The following XPNPEP3 variants were observed in gnomAD, a reference collection of about 807,000 sequenced individuals.
The protein encoded by XPNPEP3 is xaa-Pro aminopeptidase 3.
Under a neutral mutation model 60.0 loss-of-function variants are expected in XPNPEP3, and 41 were observed. The ratio of observed to expected loss-of-function variants is 0.68; its 90% confidence interval spans 0.53 to 0.89. XPNPEP3 has a LOEUF of 0.89. Ranked by LOEUF, XPNPEP3 falls within the 40% of genes least tolerant of loss-of-function variation. The pLI is 0.00. For synonymous variants in XPNPEP3, 212 were observed against 223.2 expected (o/e 0.95, Z 0.45); for missense variants, 598 against 638.9 (o/e 0.94, Z 0.69).
chr22:40,897,361 G>A lies in XPNPEP3; in HGVS notation c.793-10226G>A, dbSNP rs1040543498. ...CTTTTCATCTGTCATTGGACACTTG[G>A]GTTGTTTCCATCTTTTGGGCTATGG... On this transcript the variant is annotated intron_variant, in intron 4 of 9. Transcript: ENST00000357137. 3.3e-5 allele frequency among the ~76,000 whole-genome samples: 5 copies of A among 152,076 alleles called. No individual in the cohort carries two copies. In the East Asian group the frequency reaches 9.7e-4, roughly 29 times the overall value.
At chr22:40,886,000 A>G (rs577307065) in intron 3 of XPNPEP3, among the ~76,000 whole-genome samples, 2 of 152,258 alleles carry the variant, frequency 1.3e-5, no homozygotes, top group South Asian at 4.1e-4. Flanking sequence ...AGAGAGAGAG[A>G]AAGAGAGAAA....
intron 7 of XPNPEP3, chr22:40,917,525 T>C (rs1290377263): frequency 6.6e-6 from 1 of 152,214 alleles, no homozygotes; most frequent in Non-Finnish European, 1.5e-5. Context: ...ATTGTGAATA[T>C]ACTTAAAACC....
chr22:40,909,241 T>C lies in XPNPEP3; in HGVS notation c.969+6T>C, dbSNP rs371875441. 170 of 1,611,088 alleles carry C rather than the reference T, an allele frequency of 1.1e-4. No individual in the cohort carries two copies. The highest frequency in any genetic ancestry group is 1.4e-4 in the Non-Finnish European group (167 of 1,177,320). ...AAAATAATCAACTCATCAAGGTACG[T>C]GAGATGCCCTCAGTGCTACTCCCAC... On this transcript the variant is annotated splice_donor_region_variant and intron_variant, in intron 6 of 9. Coordinates refer to ENST00000357137, the MANE Select transcript of XPNPEP3 (RefSeq NM_022098.4).
chr22:40,880,787 CAAA>C (rs35246385), intron 2 of XPNPEP3, among the ~76,000 whole-genome samples: 4 of 74,756 alleles, frequency 5.4e-5, no homozygotes, highest in African/African-American at 4.5e-5. Context: ...GACTCCCTCT[CAAA>C]AAAAAAAAAA....
intron 2 of XPNPEP3, among the ~76,000 whole-genome samples, chr22:40,875,792 T>C (rs1312598622): frequency 6.6e-6 from 1 of 151,660 alleles, no homozygotes; most frequent in Non-Finnish European, 1.5e-5. Context: ...GGTGGGCCGA[T>C]TGCTTGAGGC....
chr22:40,899,664 C>CA (rs2058123647), intron 4 of XPNPEP3, among the ~76,000 whole-genome samples: 1 of 151,726 alleles, frequency 6.6e-6, no homozygotes, highest in South Asian at 2.1e-4. Flanking sequence ...ACTAAAAATA[C>CA]AAAAATTAGC....
At chr22:40,866,069 G>C (rs937244477) in intron 1 of XPNPEP3, among the ~76,000 whole-genome samples, 3 of 152,128 alleles carry the variant, frequency 2.0e-5, no homozygotes, top group East Asian at 1.9e-4. Context: ...AAATATCTCA[G>C]GCTTTCCTGT....
At chr22:40,916,478 G>A (rs1251312121) in intron 7 of XPNPEP3, among the ~76,000 whole-genome samples, 1 of 152,172 alleles carries the variant, frequency 6.6e-6, no homozygotes, top group East Asian at 1.9e-4. Flanking sequence ...CAGCAGGATA[G>A]TTTTTCAAAC....
At chr22:40,864,674 A>G (rs1000135077) in intron 1 of XPNPEP3, among the ~76,000 whole-genome samples, 1 of 151,984 alleles carries the variant, frequency 6.6e-6, no homozygotes, top group African/African-American at 2.4e-5. Flanking sequence ...CGAACTCCCA[A>G]CCTCAGGTGA....
rs538545935 is a variant in XPNPEP3 at position 40,877,979 on chromosome 22, G to A, written c.182-3791G>A. Among the ~76,000 whole-genome samples, 1,124 of 152,138 alleles carry A rather than the reference G, an allele frequency of 7.4e-3. 8 individuals are homozygous for A. The highest frequency in any genetic ancestry group is 0.012 in the Non-Finnish European group (849 of 68,002). ...CCCAGCATTTTGGGAGGCCGAGGCC[G>A]GTGGATCACCTGAGGTCAGGAGTTC... On this transcript the variant is annotated intron_variant, in intron 2 of 9. Coordinates refer to ENST00000357137, the MANE Select transcript of XPNPEP3 (RefSeq NM_022098.4).
intron 2 of XPNPEP3, among the ~76,000 whole-genome samples, chr22:40,870,906 A>G (rs1221182282): frequency 6.6e-6 from 1 of 151,892 alleles, no homozygotes; most frequent in Admixed American, 6.6e-5. Flanking sequence ...GCATATGCCT[A>G]TAATCTCAGC....
At chr22:40,873,844 A>AGAC (rs2058017598) in intron 2 of XPNPEP3, among the ~76,000 whole-genome samples, 2 of 152,128 alleles carry the variant, frequency 1.3e-5, no homozygotes, top group African/African-American at 4.8e-5. Context: ...ATAATGGCAG[A>AGAC]GACAGTACAG....
chr22:40,894,291 G>A (rs1018500053), intron 4 of XPNPEP3, among the ~76,000 whole-genome samples: 5 of 152,124 alleles, frequency 3.3e-5, no homozygotes, highest in South Asian at 2.1e-4. Flanking sequence ...CATCTCTTGA[G>A]ACTCCAGAAG....
At chr22:40,886,068 T>G (rs2058067573) in intron 3 of XPNPEP3, among the ~76,000 whole-genome samples, 2 of 152,060 alleles carry the variant, frequency 1.3e-5, no homozygotes, top group African/African-American at 2.4e-5. Context: ...ACACTGAAGT[T>G]TAGGGGCAGA....
At chr22:40,924,022 A>AT (rs375122660) in intron 8 of XPNPEP3, among the ~76,000 whole-genome samples, 12 of 151,602 alleles carry the variant, frequency 7.9e-5, no homozygotes, top group Admixed American at 2.6e-4. Flanking sequence ...AAGAAAAGAG[A>AT]TTTTTTTTTC....
intron 4 of XPNPEP3, among the ~76,000 whole-genome samples, chr22:40,890,801 G>A (rs1483177217): frequency 6.6e-6 from 1 of 151,672 alleles, no homozygotes; most frequent in African/African-American, 2.4e-5. Flanking sequence ...CAGGGAGGTC[G>A]AGGCTGCAGT....
At chr22:40,894,429 A>G (rs556623854) in intron 4 of XPNPEP3, among the ~76,000 whole-genome samples, 2 of 152,294 alleles carry the variant, frequency 1.3e-5, no homozygotes, top group Admixed American at 6.5e-5. Context: ...TGATATACGT[A>G]TGCATAATAC....
intron 7 of XPNPEP3, among the ~76,000 whole-genome samples, chr22:40,918,791 TTTG>T (rs1012641635): frequency 4.6e-5 from 7 of 151,412 alleles, no homozygotes; most frequent in Non-Finnish European, 8.8e-5. Context: ...GGGTTTTTTT[TTTG>T]TTGTTGTTGT....
chr22:40,901,150 A>G lies in XPNPEP3; in HGVS notation c.793-6437A>G, dbSNP rs1024530873. Among the ~76,000 whole-genome samples, 6 of 152,198 alleles carry G rather than the reference A, an allele frequency of 3.9e-5. No homozygotes were observed. In the East Asian group the frequency reaches 7.7e-4, roughly 20 times the overall value. ...TTAAAAAATTGTTTAAAAGGACACT[A>G]TCAAGAAAGTGAAAAAACGGAATGA... is the stretch of plus-strand genomic sequence containing the variant. On this transcript the variant is annotated intron_variant, in intron 4 of 9. Transcript: ENST00000357137.
Sources: allele counts gnomAD v4.1 joint callset (sites outside exome capture counted in the v4.1 genomes callset), GRCh38; gene constraint gnomAD v4.1.1; transcripts MANE v1.5; gene names NCBI Gene and HGNC (gene_info 2026-07-23, HGNC 2026-07-21).